SAC3D1: variants seen among roughly 807,000 people sequenced by gnomAD.
SAC3D1 encodes SAC3 domain containing 1.
SAC3D1 carries 10 observed loss-of-function variants against 12.7 expected under a neutral mutation model. The ratio of observed to expected loss-of-function variants is 0.79; its 90% CI spans 0.49 to 1.34. SAC3D1 has a LOEUF of 1.34. Ranked by LOEUF, SAC3D1 falls within the 40% of genes most tolerant of loss-of-function variation. SAC3D1 has a pLI of 0.00. For missense variants in SAC3D1, 482 were observed against 531.1 expected (o/e 0.91, Z 0.91); for synonymous variants, 241 against 250.8 (o/e 0.96, Z 0.37).
In SAC3D1 at chr11:65,041,452, T is replaced by C; in HGVS notation, c.160T>C (p.Tyr54His). ...RADPQRAVKEYSRPAAGKPRP... is the reference protein window; with the variant it reads ...RADPQRAVKEHSRPAAGKPRP... ...GGATCCGCAGCGCGCGGTGAAGGAG[T>C]ACAGCCGACCCGCCGCCGGCAAGCC... Residue 54 changes from tyrosine (Y) to histidine (H), a missense_variant, in exon 1 of 2, where the codon TAC (tyrosine) becomes CAC (histidine). Physicochemically the swap from Tyr to His is moderately conservative, Grantham distance 83 (BLOSUM62 2). This residue lies in a region of SAC3D1 where 197 missense variants were observed against 183.2 expected (regional missense o/e 1.08). Coordinates refer to ENST00000652489, the MANE Select transcript of SAC3D1 (RefSeq NM_013299.4). 1 of 1,488,938 alleles carries C rather than the reference T, an allele frequency of 6.7e-7. No individual in the cohort carries two copies. Among genetic ancestry groups the C allele is most frequent in the Non-Finnish European group, 8.9e-7 (1 of 1,126,130 alleles). The allele number at this position is 1,488,938 out of a possible 1,614,324, so 92.2% of individuals were successfully genotyped here. A position where few individuals can be genotyped will look rare whatever the true frequency, so the allele number is the denominator to read the frequency against.
chr11:65,044,295 G>A lies in SAC3D1; in HGVS notation c.645G>A (p.Lys215=), dbSNP rs921574130. 6.2e-7 allele frequency: 1 copy of A among 1,613,236 alleles called. No homozygotes were observed. Among genetic ancestry groups the A allele is most frequent in the Non-Finnish European group, 8.5e-7 (1 of 1,180,034 alleles). The part of the protein sequence containing the change: ...AALRACPPLR[K]ALAVDAAFRE... ...TGCGCGCCTGCCCGCCCCTCCGCAAGGCCTTGGCGGTAGATGCTGCCTTCC... is the reference window on the plus strand; with the variant it reads ...TGCGCGCCTGCCCGCCCCTCCGCAAAGCCTTGGCGGTAGATGCTGCCTTCC... The change falls in exon 2 of 2, where the codon AAG becomes AAA. Residue 215 remains lysine, a synonymous_variant. Coordinates refer to ENST00000652489, the MANE Select transcript of SAC3D1 (RefSeq NM_013299.4). This position sits in a 1 kb window ranked among gnomAD's most constrained non-coding sequence, Gnocchi z 4.0.
chr11:65,042,870 C>T (rs12291307), intron 1 of SAC3D1, among the ~76,000 whole-genome samples: 2,887 of 152,286 alleles, frequency 0.019, 100 homozygotes, highest in African/African-American at 0.065. Context: ...CAGGGTCTCA[C>T]TCTTGCCCAG....
intron 1 of SAC3D1, among the ~76,000 whole-genome samples, chr11:65,043,376 G>C (rs1043064928): frequency 2.0e-5 from 3 of 151,466 alleles, no homozygotes; most frequent in African/African-American, 2.4e-5. Context: ...ATCCTACCGC[G>C]TTGGCCTCCC....
At chr11:65,041,135 G>A, upstream of SAC3D1, 4 of 732,422 alleles carry the variant, frequency 5.5e-6, no homozygotes, top group Non-Finnish European at 8.8e-6. Flanking sequence ...CTCGATGGGC[G>A]GCCCGAAGGC....
chr11:65,041,003 G>A (rs1946582077), upstream of SAC3D1: 2 of 498,068 alleles, frequency 4.0e-6, no homozygotes, highest in Non-Finnish European at 7.1e-6. Context: ...AGCTGAACTT[G>A]GCGCTCGATG....
chr11:65,044,073 C>A lies in SAC3D1; in HGVS notation c.575-152C>A. ...TTCAAATATAGGTTGGGGAAGGAGC[C>A]AAAGGCTGGCCCTTAGAGGGGAGAG... On this transcript the variant is annotated intron_variant, in intron 1 of 1. Coordinates refer to ENST00000652489, the MANE Select transcript of SAC3D1 (RefSeq NM_013299.4). The surrounding 1 kb of genome is among the most constrained non-coding windows in gnomAD (Gnocchi z 4.0). 1.2e-6 allele frequency: 1 copy of A among 848,522 alleles called. No homozygotes were observed. The highest frequency in any genetic ancestry group is 1.8e-6 in the Non-Finnish European group (1 of 547,212). 52.6% of individuals were successfully genotyped at this position (848,522 alleles called of 1,614,324 possible). A position where few individuals can be genotyped will look rare whatever the true frequency, so the allele number is the denominator to read the frequency against.
In SAC3D1 at chr11:65,043,442, TG is replaced by T. The variant is rs557195637; in HGVS notation, c.575-780del. ...GTGCCCAAATAAGCTCTGTTCTGGC[TG>T]GGCCCTCTCTACTAAAAATGCAGAA... On this transcript the variant is annotated intron_variant, in intron 1 of 1. Coordinates refer to ENST00000652489, the MANE Select transcript of SAC3D1 (RefSeq NM_013299.4). 2.4e-4 allele frequency among the ~76,000 whole-genome samples: 37 copies of T among 151,910 alleles called. No individual in the cohort carries two copies. In the South Asian group the frequency reaches 7.5e-3, roughly 31 times the overall value.
At position 65,044,259 on chromosome 11, in the gene SAC3D1, G is replaced by T; in HGVS notation, c.609G>T (p.Leu203=). 6.2e-7 allele frequency: 1 copy of T among 1,613,040 alleles called. No individual in the cohort carries two copies. Among genetic ancestry groups the T allele is most frequent in the Non-Finnish European group, 8.5e-7 (1 of 1,179,988 alleles). The change falls in exon 2 of 2, where the codon CTG becomes CTT. Residue 203 remains leucine (L), a synonymous_variant. Transcript: ENST00000652489. This position sits in a 1 kb window ranked among gnomAD's most constrained non-coding sequence, Gnocchi z 4.0. ...AAGCCCTGCATGAGGTTCTACAGCT[G>T]CCTGCTGCCCTGCGCGCCTGCCCGC... The part of the protein sequence containing the change: ...SVEALHEVLQ[L]PAALRACPPL...
Position 65,044,128 on chromosome 11 carries a change from G to A in SAC3D1, c.575-97G>A, listed in dbSNP as rs966078191. 2.1e-5 allele frequency: 30 copies of A among 1,421,262 alleles called. No individual in the cohort carries two copies. Among genetic ancestry groups the A allele is most frequent in the Non-Finnish European group, 2.6e-5 (27 of 1,036,700 alleles). The allele number at this position is 1,421,262 out of a possible 1,614,324, so 88.0% of individuals were successfully genotyped here. A position where few individuals can be genotyped will look rare whatever the true frequency, so the allele number is the denominator to read the frequency against. ...GTTGGGCTAGGCCTAGAGAAGGGGC[G>A]TGGTCGAGGAGAGAGGAAGGACAGG... On this transcript the variant is annotated intron_variant, in intron 1 of 1. Coordinates refer to ENST00000652489, the MANE Select transcript of SAC3D1 (RefSeq NM_013299.4). The surrounding 1 kb of genome is among the most constrained non-coding windows in gnomAD (Gnocchi z 4.0).
Position 65,044,395 on chromosome 11 carries a change from C to T in SAC3D1, c.745C>T (p.His249Tyr), listed in dbSNP as rs1946672072. ...CCTGCCAAGTTGCGCTGTGCAGTGC[C>T]ATGTGGGCCATGCCCGCCGGGAAGC... ...PYLPSCAVQC[H>Y]VGHARREALA... Residue 249 changes from histidine to tyrosine, a missense_variant, in exon 2 of 2, where the codon CAT becomes TAT. His to Tyr is a moderately conservative substitution (Grantham distance 83). This residue lies in a region of SAC3D1 where 225 missense variants were observed against 241.1 expected (regional missense o/e 0.93). Transcript: ENST00000652489. The surrounding 1 kb of genome is among the most constrained non-coding windows in gnomAD (Gnocchi z 4.0). 1 of 1,613,580 alleles carries T rather than the reference C, an allele frequency of 6.2e-7. No individual in the cohort carries two copies. The highest frequency in any genetic ancestry group is 1.7e-5 in the Admixed American group (1 of 60,014).
chr11:65,043,156 G>A (rs1273289470), intron 1 of SAC3D1: 3 of 383,822 alleles, frequency 7.8e-6, no homozygotes, highest in Non-Finnish European at 1.6e-5. Flanking sequence ...TTCCTCTGAA[G>A]AAGGCATGGT....
chr11:65,044,165 G>T lies in SAC3D1; in HGVS notation c.575-60G>T. On this transcript the variant is annotated intron_variant, in intron 1 of 1. Transcript: ENST00000652489. This position sits in a 1 kb window ranked among gnomAD's most constrained non-coding sequence, Gnocchi z 4.0. ...AGAGGAAGGACAGGGTGTTGGGAGG[G>T]GAGATGAGCCTGATCCTGTAAGGAC... 3.8e-6 allele frequency: 6 copies of T among 1,564,090 alleles called. No individual in the cohort carries two copies. The highest frequency in any genetic ancestry group is 5.2e-6 in the Non-Finnish European group (6 of 1,149,574).
chr11:65,041,877 A>G lies in SAC3D1; in HGVS notation c.574+11A>G. The G allele has an allele frequency of 7.0e-7, 1 of 1,427,844 alleles. No homozygotes were observed. The highest frequency in any genetic ancestry group is 9.1e-7 in the Non-Finnish European group (1 of 1,098,268). The allele number at this position is 1,427,844 out of a possible 1,614,324, so 88.4% of individuals were successfully genotyped here. A position where few individuals can be genotyped will look rare whatever the true frequency, so the allele number is the denominator to read the frequency against. On this transcript the variant is annotated intron_variant, in intron 1 of 1. Coordinates refer to ENST00000652489, the MANE Select transcript of SAC3D1 (RefSeq NM_013299.4). The stretch of plus-strand genomic sequence containing the variant: ...TGCTCTATAACCTGGGTGAGTCGGG[A>G]TCCTGGCGGCTGGGCAGAGCGTGGG...
rs766769735 is a variant in SAC3D1 at position 65,044,778 on chromosome 11, G to A, written c.*51G>A. 6.9e-5 allele frequency: 107 copies of A among 1,555,692 alleles called. 1 individual carries two copies. Among genetic ancestry groups the A allele is most frequent in the Non-Finnish European group, 9.0e-5 (104 of 1,154,050 alleles). On this transcript the variant is annotated 3_prime_UTR_variant, in exon 2 of 2. Coordinates refer to ENST00000652489, the MANE Select transcript of SAC3D1 (RefSeq NM_013299.4). This position sits in a 1 kb window ranked among gnomAD's most constrained non-coding sequence, Gnocchi z 4.0. ...CCCAGGACTGGGCCAGAGCACTTAG[G>A]TTTCTTTTTCCATGGTTTCCAGGTA...
In SAC3D1 at chr11:65,041,538, G is replaced by T; in HGVS notation, c.246G>T (p.Leu82=). ...TGCTGCTGGCCACCGTGCGCTACCT[G>T]GCCGGTGAGGTGGCGGAGAGCGCCG... ...PSVLLATVRY[L]AGEVAESADI... The change falls in exon 1 of 2, where the codon CTG becomes CTT. Residue 82 remains leucine (L), a synonymous_variant. Coordinates refer to ENST00000652489, the MANE Select transcript of SAC3D1 (RefSeq NM_013299.4). 6.8e-7 allele frequency: 1 copy of T among 1,472,704 alleles called. No individual in the cohort carries two copies. The highest frequency in any genetic ancestry group is 8.9e-7 in the Non-Finnish European group (1 of 1,117,780). 91.2% of individuals were successfully genotyped at this position (1,472,704 alleles called of 1,614,324 possible).
Position 65,044,169 on chromosome 11 carries a change from A to G in SAC3D1, c.575-56A>G. On this transcript the variant is annotated intron_variant, in intron 1 of 1. Coordinates refer to ENST00000652489, the MANE Select transcript of SAC3D1 (RefSeq NM_013299.4). This position sits in a 1 kb window ranked among gnomAD's most constrained non-coding sequence, Gnocchi z 4.0. ...GAAGGACAGGGTGTTGGGAGGGGAG[A>G]TGAGCCTGATCCTGTAAGGACCAGG... 6.4e-7 allele frequency: 1 copy of G among 1,573,264 alleles called. No homozygotes were observed.
At chr11:65,043,910 C>T (rs1946659642) in intron 1 of SAC3D1, among the ~76,000 whole-genome samples, 1 of 152,194 alleles carries the variant, frequency 6.6e-6, no homozygotes, top group South Asian at 2.1e-4. Context: ...TCAGGCTCAA[C>T]TACATACCCG....
At position 65,041,651 on chromosome 11, in the gene SAC3D1, C is replaced by A. The variant is rs1219422770; in HGVS notation, c.359C>A (p.Ala120Asp). Residue 120 changes from alanine (A) to aspartate (D), a missense_variant, in exon 1 of 2, where the codon GCC becomes GAC. By Grantham distance (126) the Ala-to-Asp change is moderately radical. This residue lies in a region of SAC3D1 where 60 missense variants were observed against 106.9 expected (regional missense o/e 0.56). Transcript: ENST00000652489. ...LDLALQGAGD[A>D]EAAVVLEAAL... ...CTGGCGCTGCAGGGAGCGGGCGACG[C>A]CGAGGCAGCTGTGGTGCTGGAGGCG... is the stretch of plus-strand genomic sequence containing the variant. 1 of 1,442,186 alleles carries A rather than the reference C, an allele frequency of 6.9e-7. No homozygotes were observed. Among genetic ancestry groups the A allele is most frequent in the South Asian group, 1.4e-5 (1 of 73,790 alleles). 89.3% of individuals were successfully genotyped at this position (1,442,186 alleles called of 1,614,324 possible). A position where few individuals can be genotyped will look rare whatever the true frequency, so the allele number is the denominator to read the frequency against.
At chr11:65,043,344 C>G (rs12291593) in intron 1 of SAC3D1, among the ~76,000 whole-genome samples, 1 of 151,930 alleles carries the variant, frequency 6.6e-6, no homozygotes, top group Non-Finnish European at 1.5e-5. Flanking sequence ...CCAGGTTGCT[C>G]TCAAACTCCT....
Sources: gnomAD v4.1 joint callset for allele counts (sites outside exome capture counted in the v4.1 genomes callset) on GRCh38, gnomAD v4.1.1 for gene constraint, gnomAD v4.1.1 regional missense constraint, Gnocchi (gnomAD v3.1) non-coding constraint, MANE v1.5 for transcripts, NCBI Gene and HGNC (gene_info 2026-07-23, HGNC 2026-07-21) for gene names.